EBF1: variants seen among roughly 807,000 people sequenced by gnomAD.
EBF1 encodes the protein EBF transcription factor 1.
Under a neutral mutation model 68.4 loss-of-function variants are expected in EBF1, and 10 were observed. The ratio of observed to expected loss-of-function variants is 0.15; its 90% confidence interval spans 0.09 to 0.25. The LOEUF is 0.25. EBF1 is among the 10% of genes least tolerant of loss of function. The pLI is 1.00. For missense variants in EBF1, 509 were observed against 794.4 expected (o/e 0.64, Z 4.32); for synonymous variants, 298 against 299.8 (o/e 0.99, Z 0.06).
intron 6 of EBF1, among the ~76,000 whole-genome samples, chr5:158,933,676 A>G (rs1811368701): frequency 6.6e-6 from 1 of 152,192 alleles, no homozygotes; most frequent in African/African-American, 2.4e-5. Flanking sequence ...AAGTGACTTA[A>G]CCTCTCTGAG....
intron 9 of EBF1, among the ~76,000 whole-genome samples, chr5:158,794,292 T>A (rs1315500535): frequency 1.3e-5 from 2 of 152,100 alleles, no homozygotes; most frequent in Admixed American, 6.5e-5. Context: ...GACAAAGATA[T>A]TACATTAATG....
intron 6 of EBF1, among the ~76,000 whole-genome samples, chr5:158,886,470 G>T (rs768598258): frequency 6.6e-6 from 1 of 152,162 alleles, no homozygotes; most frequent in Non-Finnish European, 1.5e-5. Context: ...AAGCATTTCT[G>T]TACAGATTTG....
At chr5:159,021,506 T>C (rs80009144) in intron 6 of EBF1, among the ~76,000 whole-genome samples, 2,583 of 152,314 alleles carry the variant, frequency 0.017, 37 homozygotes, top group Admixed American at 0.045. Flanking sequence ...CACCTGTGCC[T>C]GTGAGGTCAG....
intron 6 of EBF1, among the ~76,000 whole-genome samples, chr5:158,915,399 A>G (rs778400388): frequency 3.3e-5 from 5 of 152,268 alleles, no homozygotes; most frequent in Non-Finnish European, 7.3e-5. Flanking sequence ...GATAAATGTA[A>G]GAAGAAACAA....
At chr5:158,733,798 C>T (rs1764613907) in intron 10 of EBF1, among the ~76,000 whole-genome samples, 1 of 152,170 alleles carries the variant, frequency 6.6e-6, no homozygotes, top group Non-Finnish European at 1.5e-5. Context: ...TCCAGTGCTG[C>T]AGACAAAGCT....
chr5:158,806,920 A>G lies in EBF1; in HGVS notation c.779-10445T>C, dbSNP rs968609566. ...TCAATCTGCTTTTGCTTTGCCCATT[A>G]CAGTAGCCACTAGCTACACGCAGCT... On this transcript the variant is annotated intron_variant, in intron 8 of 15. Transcript: ENST00000313708. Among the ~76,000 whole-genome samples the G allele has an allele frequency of 7.6e-4, 116 of 152,316 alleles. 1 individual carries two copies. The highest frequency in any genetic ancestry group is 2.6e-3 in the African/African-American group (110 of 41,588).
chr5:159,027,659 G>A (rs930538861), intron 6 of EBF1, among the ~76,000 whole-genome samples: 3 of 152,294 alleles, frequency 2.0e-5, no homozygotes, highest in South Asian at 4.1e-4. Flanking sequence ...ATCCCAAAAC[G>A]TTAGTTCTTT....
intron 6 of EBF1, among the ~76,000 whole-genome samples, chr5:158,992,830 A>G (rs1321207183): frequency 6.6e-6 from 1 of 150,678 alleles, no homozygotes; most frequent in Non-Finnish European, 1.5e-5. Context: ...CACCAAAATT[A>G]CTGTGCTTGT....
At chr5:158,852,487 C>T (rs188906026) in intron 6 of EBF1, among the ~76,000 whole-genome samples, 1 of 152,200 alleles carries the variant, frequency 6.6e-6, no homozygotes, top group African/African-American at 2.4e-5. Context: ...ACAAGCTGAG[C>T]TCAGATAAAA....
intron 10 of EBF1, among the ~76,000 whole-genome samples, chr5:158,746,657 G>C (rs140239709): frequency 1.3e-5 from 2 of 152,062 alleles, no homozygotes; most frequent in South Asian, 2.1e-4. Context: ...GAAAAAAAAA[G>C]TGACCTTCCT....
chr5:158,711,674 C>CA (rs1561704080), intron 14 of EBF1, among the ~76,000 whole-genome samples: 3 of 146,570 alleles, frequency 2.0e-5, no homozygotes, highest in African/African-American at 7.5e-5. Context: ...TTTTTGTTTG[C>CA]TTTTTTTTTT....
rs749897481 is a variant in EBF1, at chr5:158,840,040, G to T, written c.625C>A (p.Arg209=). The T allele has an allele frequency of 1.2e-6, 2 of 1,613,830 alleles. No homozygotes were observed. Among genetic ancestry groups the T allele is most frequent in the South Asian group, 1.1e-5 (1 of 91,058 alleles). Residue 209 remains arginine, a synonymous_variant, in exon 7 of 16, where the codon CGG becomes AGG. Transcript: ENST00000313708. ...TAAGTCAGACCCACCTGGAATCTCC[G>T]CATGTCACGTGGGTTTCCCGCATTC... ...LKNAGNPRDM[R]RFQVVVSTTV... is the part of the protein sequence containing the mutation.
At chr5:158,870,410 G>A (rs1054574529) in intron 6 of EBF1, among the ~76,000 whole-genome samples, 7 of 152,178 alleles carry the variant, frequency 4.6e-5, no homozygotes, top group African/African-American at 1.4e-4. Context: ...CTGGCCAGGT[G>A]CAGTGGCTCA....
chr5:159,018,001 T>C (rs953200452), intron 6 of EBF1, among the ~76,000 whole-genome samples: 2 of 152,106 alleles, frequency 1.3e-5, no homozygotes, highest in African/African-American at 4.8e-5. Flanking sequence ...CCATTTCCTG[T>C]CTCCCCCGTC....
intron 6 of EBF1, among the ~76,000 whole-genome samples, chr5:159,014,151 A>T (rs957420236): frequency 6.6e-6 from 1 of 152,242 alleles, no homozygotes; most frequent in Non-Finnish European, 1.5e-5. Flanking sequence ...TCTTCTTCAA[A>T]CTTTTAAAAT....
chr5:158,979,461 T>C (rs991396606), intron 6 of EBF1, among the ~76,000 whole-genome samples: 5 of 152,164 alleles, frequency 3.3e-5, no homozygotes, highest in African/African-American at 1.2e-4. Flanking sequence ...TGAGCCAGGA[T>C]GGAGGGTCAT....
In EBF1 at chr5:158,792,590, G is replaced by A. The variant is rs75124558; in HGVS notation, c.909+3755C>T. Reference sequence around the variant, plus strand: ...CCTAGCCTGCCAGCCTGCTTCCTGGGTGTGTTGGGTATAGAGTAAGGAAAT... The same window carrying A: ...CCTAGCCTGCCAGCCTGCTTCCTGGATGTGTTGGGTATAGAGTAAGGAAAT... On this transcript the variant is annotated intron_variant, in intron 9 of 15. Transcript: ENST00000313708. Among the ~76,000 whole-genome samples the A allele has an allele frequency of 2.6e-5, 4 of 152,310 alleles. No homozygotes were observed. In the South Asian group the frequency reaches 8.3e-4, roughly 32 times the overall value.
chr5:158,765,045 A>T (rs1772360141), intron 10 of EBF1, among the ~76,000 whole-genome samples: 1 of 152,220 alleles, frequency 6.6e-6, no homozygotes, highest in Admixed American at 6.5e-5. Flanking sequence ...TACAAACATT[A>T]TGATGAAGAA....
chr5:159,014,548 G>A (rs928247552), intron 6 of EBF1, among the ~76,000 whole-genome samples: 1 of 152,180 alleles, frequency 6.6e-6, no homozygotes, highest in East Asian at 1.9e-4. Flanking sequence ...GAAAAAGCAA[G>A]AGGAATCTAA....
Sources: gnomAD v4.1 joint callset for allele counts (sites outside exome capture counted in the v4.1 genomes callset) on GRCh38, gnomAD v4.1.1 for gene constraint, MANE v1.5 for transcripts, NCBI Gene and HGNC (gene_info 2026-07-23, HGNC 2026-07-21) for gene names.